The following MKLN1 variants were observed in gnomAD, a reference collection of about 807,000 sequenced individuals.
MKLN1 encodes the protein muskelin.
In MKLN1, 18 loss-of-function variants were observed where a neutral mutation model predicts 99.0. That is an observed-to-expected ratio of 0.18 (90% confidence interval 0.13 to 0.27). MKLN1 has a LOEUF of 0.27. Among genes scored for constraint, MKLN1 ranks in the 10% least tolerant of loss-of-function variants. MKLN1 has a pLI of 1.00. For missense variants in MKLN1, 621 were observed against 875.9 expected (o/e 0.71, Z 3.67); for synonymous variants, 288 against 293.2 (o/e 0.98, Z 0.18).
intron 2 of MKLN1, among the ~76,000 whole-genome samples, chr7:131,149,595 C>T (rs1465690656): frequency 6.6e-6 from 1 of 152,178 alleles, no homozygotes; most frequent in Non-Finnish European, 1.5e-5. Context: ...TTTTCTCACA[C>T]ATATTCCATT....
At chr7:131,280,486 G>A (rs1353768039) in intron 3 of MKLN1, among the ~76,000 whole-genome samples, 1 of 152,146 alleles carries the variant, frequency 6.6e-6, no homozygotes, top group Non-Finnish European at 1.5e-5. Flanking sequence ...TGTTATTATA[G>A]CCATCCTTGT....
chr7:131,387,306 C>T (rs377570389), intron 3 of MKLN1, 44 bp downstream of exon 3: 28 of 1,545,544 alleles, frequency 1.8e-5, no homozygotes, highest in Admixed American at 6.1e-5. Flanking sequence ...CTAAACAAAA[C>T]GTAGTCTTAG....
chr7:131,263,346 T>A (rs28709607), intron 3 of MKLN1, among the ~76,000 whole-genome samples: 58,657 of 126,802 alleles, frequency 0.46, 13,843 homozygotes, highest in East Asian at 0.74. Context: ...TCTACAATTA[T>A]TAATAATAAT....
At chr7:131,233,873 TTA>T (rs1326460825) in intron 3 of MKLN1, among the ~76,000 whole-genome samples, 3 of 152,016 alleles carry the variant, frequency 2.0e-5, no homozygotes, top group African/African-American at 7.3e-5. Flanking sequence ...CATACCAGAG[TTA>T]TGTTTTTTCT....
chr7:131,259,497 A>G (rs1797703703), intron 3 of MKLN1, among the ~76,000 whole-genome samples: 1 of 152,184 alleles, frequency 6.6e-6, no homozygotes, highest in Non-Finnish European at 1.5e-5. Flanking sequence ...AGATATGTAT[A>G]CTTATATTAA....
At chr7:131,476,874 G>A (rs1464369738) in intron 16 of MKLN1, among the ~76,000 whole-genome samples, 1 of 152,204 alleles carries the variant, frequency 6.6e-6, no homozygotes, top group Non-Finnish European at 1.5e-5. Flanking sequence ...GTGTGGTACT[G>A]GCTTAAGGAT....
At position 131,358,370 on chromosome 7, in the gene MKLN1, C is replaced by T. The variant is rs141355643; in HGVS notation, c.99-17054C>T. On this transcript the variant is annotated intron_variant, in intron 1 of 17. Coordinates refer to ENST00000352689, the MANE Select transcript of MKLN1 (RefSeq NM_013255.5). ...ATTGATTTTGGGATATTGAAATAGC[C>T]CTGTAATAAGTACGTTTTATTGTGG... Among the ~76,000 whole-genome samples, 459 of 152,056 alleles carry T rather than the reference C, an allele frequency of 3.0e-3. 3 individuals are homozygous for T. The highest frequency in any genetic ancestry group is 0.011 in the African/African-American group (445 of 41,470).
chr7:131,375,044 C>T (rs1385870145), intron 1 of MKLN1, among the ~76,000 whole-genome samples: 1 of 151,598 alleles, frequency 6.6e-6, no homozygotes, highest in Non-Finnish European at 1.5e-5. Flanking sequence ...AACTCTGGGC[C>T]TCAAGTCTTC....
At chr7:131,411,405 G>A (rs773420176) in intron 7 of MKLN1, 22 bp downstream of exon 7, 3 of 1,504,318 alleles carry the variant, frequency 2.0e-6, no homozygotes, top group South Asian at 2.3e-5. Flanking sequence ...CTTCTAGATT[G>A]TAGTTCTTTT....
chr7:131,389,036 C>A, intron 4 of MKLN1, 64 bp downstream of exon 4: 2 of 1,032,418 alleles, frequency 1.9e-6, no homozygotes, highest in Non-Finnish European at 2.9e-6. Flanking sequence ...AAACTATAGC[C>A]CATAGACCAA....
At position 131,234,458 on chromosome 7, in the gene MKLN1, C is replaced by T. The variant is rs2116481074; in HGVS notation, c.-179+31484C>T. On this transcript the variant is annotated intron_variant, in intron 3 of 7. Transcript: ENST00000416992. Reference sequence around the variant, plus strand: ...AGTCTCCAGGGGTTCTTCAGCTGCACTAATTTCCTGACTCAGAATTGCCAG... The same window carrying T: ...AGTCTCCAGGGGTTCTTCAGCTGCATTAATTTCCTGACTCAGAATTGCCAG... 2.0e-5 allele frequency among the ~76,000 whole-genome samples: 3 copies of T among 152,290 alleles called. No homozygotes were observed. In the South Asian group the frequency reaches 6.2e-4, roughly 32 times the overall value.
intron 1 of MKLN1, among the ~76,000 whole-genome samples, chr7:131,365,447 T>A (rs189781068): frequency 7.9e-5 from 12 of 152,348 alleles, no homozygotes; most frequent in Admixed American, 7.2e-4. Flanking sequence ...GCTCTTAAGT[T>A]TAATTAGATC....
intron 3 of MKLN1, among the ~76,000 whole-genome samples, chr7:131,226,597 A>G (rs1464115679): frequency 6.6e-6 from 1 of 152,170 alleles, no homozygotes; most frequent in Non-Finnish European, 1.5e-5. Context: ...AATGAAAGGA[A>G]TTGTCATTTC....
chr7:131,420,683 CA>C (rs1563339638), intron 8 of MKLN1, among the ~76,000 whole-genome samples: 1 of 152,094 alleles, frequency 6.6e-6, no homozygotes, highest in Non-Finnish European at 1.5e-5. Context: ...CAATAATTTC[CA>C]CATTGTTTTA....
At chr7:131,268,116 G>A (rs1210149008) in intron 3 of MKLN1, among the ~76,000 whole-genome samples, 1 of 152,180 alleles carries the variant, frequency 6.6e-6, no homozygotes, top group African/African-American at 2.4e-5. Flanking sequence ...TTTGGAGATG[G>A]TTATTCACTG....
intron 2 of MKLN1, among the ~76,000 whole-genome samples, chr7:131,171,514 A>C (rs1272317798): frequency 6.6e-6 from 1 of 151,832 alleles, no homozygotes; most frequent in African/African-American, 2.4e-5. Flanking sequence ...CTGGAGTGCA[A>C]TGGTGCGTTC....
At chr7:131,444,368 C>T (rs1023387001) in intron 11 of MKLN1, among the ~76,000 whole-genome samples, 2 of 151,910 alleles carry the variant, frequency 1.3e-5, no homozygotes, top group African/African-American at 4.8e-5. Context: ...CCACCCGCCT[C>T]TGCCTTCTGC....
chr7:131,238,161 A>G (rs2116488586), intron 3 of MKLN1, among the ~76,000 whole-genome samples: 1 of 152,234 alleles, frequency 6.6e-6, no homozygotes, highest in South Asian at 2.1e-4. Flanking sequence ...AAAACAAGCA[A>G]AAAGCTAAAG....
At position 131,487,239 on chromosome 7, in the gene MKLN1, C is replaced by T. The variant is rs1797307219; in HGVS notation, c.2087-368C>T. On this transcript the variant is annotated intron_variant, in intron 17 of 17. Coordinates refer to ENST00000352689, the MANE Select transcript of MKLN1 (RefSeq NM_013255.5). The surrounding 1 kb of genome is among the most constrained non-coding windows in gnomAD (Gnocchi z 4.7). The stretch of plus-strand genomic sequence containing the variant: ...AGACAAGTGGAATTTCCTCAGTGGA[C>T]CAGCAGAGAAAAGACCTAATAAGGA... 6.6e-6 allele frequency among the ~76,000 whole-genome samples: 1 copy of T among 152,054 alleles called. No homozygotes were observed. The highest frequency in any genetic ancestry group is 2.4e-5 in the African/African-American group (1 of 41,396).
Sources: allele counts gnomAD v4.1 joint callset (sites outside exome capture counted in the v4.1 genomes callset), GRCh38; gene constraint gnomAD v4.1.1; non-coding constraint Gnocchi (gnomAD v3.1); transcripts MANE v1.5; gene names NCBI Gene and HGNC (gene_info 2026-07-23, HGNC 2026-07-21).